PPP1R12A: variants seen among roughly 807,000 people sequenced by gnomAD.
The protein encoded by PPP1R12A is myosin binding subunit.
Under a neutral mutation model 139.6 loss-of-function variants are expected in PPP1R12A, and 19 were observed. The observed-to-expected ratio is 0.14, with a 90% CI of 0.09 to 0.20. PPP1R12A has a LOEUF of 0.20. Ranked by LOEUF, PPP1R12A falls within the 10% of genes least tolerant of loss-of-function variation. The pLI, the probability that PPP1R12A is intolerant of heterozygous loss-of-function variation, is 1.00. For missense variants in PPP1R12A, 925 were observed against 1,211.5 expected, an observed-to-expected ratio of 0.76 and a Z score of 3.51; for synonymous variants, 427 against 420.6, an observed-to-expected ratio of 1.02 and a Z score of -0.19.
At chr12:79,845,503 C>T in intron 2 of PPP1R12A, 83 bp from the exon 3 acceptor site, 2 of 1,000,646 alleles carry the variant, frequency 2.0e-6, no homozygotes, top group Non-Finnish European at 3.0e-6. Context: ...AGGAAAGTTC[C>T]TATATAAAGC....
chr12:79,929,335 A>AC (rs1371251144), intron 1 of PPP1R12A, among the ~76,000 whole-genome samples: 3 of 152,132 alleles, frequency 2.0e-5, no homozygotes, highest in African/African-American at 4.8e-5. Context: ...GCGTTTGTGA[A>AC]CCCCCGCTCT....
Position 79,817,380 on chromosome 12 carries a change from C to T in PPP1R12A, c.1239+14G>A. 6.2e-7 allele frequency: 1 copy of T among 1,607,208 alleles called. No homozygotes were observed. Among genetic ancestry groups the T allele is most frequent in the Non-Finnish European group, 8.5e-7 (1 of 1,176,012 alleles). ...AGAATACATGTATTTTCAGCAAATA[C>T]AATTTTGGCTTACCTTTTTAATAGG... is the stretch of plus-strand genomic sequence containing the variant. On this transcript the variant is annotated intron_variant, in intron 9 of 24. Coordinates refer to ENST00000450142, the MANE Select transcript of PPP1R12A (RefSeq NM_002480.3).
chr12:79,826,327 A>G (rs893955117), intron 5 of PPP1R12A, among the ~76,000 whole-genome samples: 20 of 147,818 alleles, frequency 1.4e-4, no homozygotes, highest in Non-Finnish European at 2.4e-4. Flanking sequence ...ATGAGGCACA[A>G]TTGTTTCGGG....
chr12:79,806,382 T>C (rs765989375), intron 12 of PPP1R12A, 49 bp from the exon 13 acceptor site: 2 of 1,520,046 alleles, frequency 1.3e-6, no homozygotes, highest in South Asian at 2.4e-5. Context: ...ATGTGTATTC[T>C]ATAGTTAATG....
At position 79,795,815 on chromosome 12, in the gene PPP1R12A, A is replaced by G. The variant is rs1006703858; in HGVS notation, c.2462-56T>C. The G allele has an allele frequency of 2.6e-6, 4 of 1,558,342 alleles. No homozygotes were observed. The African/African-American group carries it at 5.5e-5, about 21-fold the overall frequency. On this transcript the variant is annotated intron_variant, in intron 17 of 24. Transcript: ENST00000450142. ...GCAATATATCTTGACAATATTTTGC[A>G]AGGTAATTGTAAAAACAATGGGTAA...
intron 1 of PPP1R12A, among the ~76,000 whole-genome samples, chr12:79,884,991 GA>G (rs1378489361): frequency 6.6e-6 from 1 of 152,004 alleles, no homozygotes; most frequent in Non-Finnish European, 1.5e-5. Flanking sequence ...TGTGTAGCTT[GA>G]AAAAACATTA....
At chr12:79,885,782 G>C (rs1448046311) in intron 1 of PPP1R12A, among the ~76,000 whole-genome samples, 2 of 152,128 alleles carry the variant, frequency 1.3e-5, no homozygotes, top group Non-Finnish European at 2.9e-5. Flanking sequence ...TTATTGATAG[G>C]TAATAGGCAA....
intron 14 of PPP1R12A, among the ~76,000 whole-genome samples, chr12:79,800,639 T>G (rs1297640251): frequency 1.3e-5 from 2 of 152,074 alleles, no homozygotes; most frequent in Non-Finnish European, 2.9e-5. Flanking sequence ...TATCTCTATC[T>G]TCTATGCTGT....
At chr12:79,836,102 C>A (rs1878047764) in intron 3 of PPP1R12A, among the ~76,000 whole-genome samples, 1 of 152,084 alleles carries the variant, frequency 6.6e-6, no homozygotes, top group Non-Finnish European at 1.5e-5. Context: ...ACAAGATTTT[C>A]CAAATAGACC....
chr12:79,799,999 CA>C (rs575867045), intron 14 of PPP1R12A, among the ~76,000 whole-genome samples: 213 of 145,844 alleles, frequency 1.5e-3, no homozygotes, highest in Non-Finnish European at 2.3e-3. Flanking sequence ...AATTGAGACT[CA>C]AAAAAAAAAG....
chr12:79,814,126 G>C (rs927790754), intron 9 of PPP1R12A, among the ~76,000 whole-genome samples: 2 of 152,134 alleles, frequency 1.3e-5, no homozygotes, highest in Non-Finnish European at 2.9e-5. Context: ...ATTAGATACA[G>C]GAGTATAAGA....
intron 2 of PPP1R12A, among the ~76,000 whole-genome samples, chr12:79,861,962 C>T (rs1881382075): frequency 6.6e-6 from 1 of 152,158 alleles, no homozygotes; most frequent in Non-Finnish European, 1.5e-5. Flanking sequence ...AGAGCAGTGG[C>T]TCTCCCAGCA....
At position 79,935,068 on chromosome 12, in the gene PPP1R12A, C is replaced by A; in HGVS notation, c.-137G>T. 3 of 1,408,474 alleles carry A rather than the reference C, an allele frequency of 2.1e-6. No individual in the cohort carries two copies. The highest frequency in any genetic ancestry group is 3.1e-5 in the South Asian group (2 of 64,708). 87.2% of individuals were successfully genotyped at this position (1,408,474 alleles called of 1,614,324 possible). ...GAGGGCTGGGAACCCGGAGCCGACGCTCGAGACTTCCAGTATCCCACAGAG... is the reference window on the plus strand; with the variant it reads ...GAGGGCTGGGAACCCGGAGCCGACGATCGAGACTTCCAGTATCCCACAGAG... On this transcript the variant is annotated 5_prime_UTR_variant, in exon 1 of 25. Coordinates refer to ENST00000450142, the MANE Select transcript of PPP1R12A (RefSeq NM_002480.3).
chr12:79,897,062 A>C (rs1451563347), intron 1 of PPP1R12A, among the ~76,000 whole-genome samples: 19 of 152,228 alleles, frequency 1.2e-4, no homozygotes. Flanking sequence ...AAATTGTTCT[A>C]CCAAAAAGAC....
intron 1 of PPP1R12A, among the ~76,000 whole-genome samples, chr12:79,882,480 A>G (rs1040553661): frequency 1.3e-5 from 2 of 152,202 alleles, no homozygotes; most frequent in Admixed American, 6.5e-5. Context: ...CTGCAATCTC[A>G]TGATTAAAAC....
At chr12:79,923,877 T>C (rs768502942) in intron 1 of PPP1R12A, among the ~76,000 whole-genome samples, 2 of 152,050 alleles carry the variant, frequency 1.3e-5, no homozygotes, top group African/African-American at 2.4e-5. Context: ...ACCCAGTCTC[T>C]ACTAAAAATA....
chr12:79,896,729 GATGATTTAA>G (rs1450911729), intron 1 of PPP1R12A, among the ~76,000 whole-genome samples: 1 of 152,196 alleles, frequency 6.6e-6, no homozygotes, highest in Middle Eastern at 3.2e-3. Context: ...TTATTGCAAA[GATGATTTAA>G]ATCCATCTTG....
At chr12:79,808,638 A>G (rs907868109) in intron 10 of PPP1R12A, 61 bp from the exon 11 acceptor site, 17 of 891,432 alleles carry the variant, frequency 1.9e-5, no homozygotes, top group Non-Finnish European at 2.7e-5. Flanking sequence ...AGGCAATGCT[A>G]AAAGTATTAA....
At chr12:79,787,729 C>T (rs1189735634) in intron 21 of PPP1R12A, 1 of 152,264 alleles carries the variant, frequency 6.6e-6, no homozygotes, top group Non-Finnish European at 1.5e-5. Flanking sequence ...TCAGGCTGGT[C>T]TCGAACTCCC....
Sources: gnomAD v4.1 joint callset for allele counts (sites outside exome capture counted in the v4.1 genomes callset) on GRCh38, gnomAD v4.1.1 for gene constraint, MANE v1.5 for transcripts, NCBI Gene and HGNC (gene_info 2026-07-23, HGNC 2026-07-21) for gene names.